The following CR1 variants were observed in gnomAD, a reference collection of about 807,000 sequenced individuals.
The protein encoded by CR1 is complement C3b/C4b receptor 1 (Knops blood group).
In CR1, 116 loss-of-function variants were observed where a neutral mutation model predicts 187.3. That is an observed-to-expected ratio of 0.62 (90% CI 0.53 to 0.72). The LOEUF (loss-of-function observed/expected upper bound fraction) is 0.72, where lower values mean the gene tolerates loss of function less well. Ranked by LOEUF, CR1 falls within the 30% of genes least tolerant of loss-of-function variation. CR1 has a pLI of 0.00. For synonymous variants in CR1, 576 were observed against 747.1 expected, an observed-to-expected ratio of 0.77 and a Z score of 3.73; for missense variants, 1,731 against 2,110.7, an observed-to-expected ratio of 0.82 and a Z score of 3.52.
At chr1:207,581,812 T>C in intron 31 of CR1, 106 bp from the exon 32 acceptor site, 1 of 752,838 alleles carries the variant, frequency 1.3e-6, no homozygotes, top group Non-Finnish European at 2.3e-6. Flanking sequence ...GCTTGAGCAG[T>C]AAAATGTTAA....
intron 46 of CR1, among the ~76,000 whole-genome samples, chr1:207,633,482 A>G (rs937867984): frequency 1.3e-5 from 2 of 152,176 alleles, no homozygotes; most frequent in Admixed American, 1.3e-4. Context: ...CATCATTATA[A>G]CAGTACATAA....
intron 4 of CR1, among the ~76,000 whole-genome samples, chr1:207,518,706 C>T (rs112003429): frequency 0.02 from 3,059 of 152,264 alleles, 93 homozygotes; most frequent in African/African-American, 0.069. Flanking sequence ...ATCTTCTCAT[C>T]GCCTTCTCCT....
rs1246967402 is a variant in CR1 at position 207,641,638 on chromosome 1, AT to A, written c.*2231del. On this transcript the variant is annotated 3_prime_UTR_variant, in exon 47 of 47. Transcript: ENST00000367049. The stretch of plus-strand genomic sequence containing the variant: ...CTATGAAGCTATTGCTAGTCCTAAC[AT>A]TCTTTGTTTTGTTTGCTTTTTTGGC... 3 of 152,220 alleles carry A rather than the reference AT, an allele frequency of 2.0e-5. No individual in the cohort carries two copies. The highest frequency in any genetic ancestry group is 4.4e-5 in the Non-Finnish European group (3 of 68,038). The allele number at this position is 152,220 out of a possible 1,614,324, so 9.4% of individuals were successfully genotyped here. A position where few individuals can be genotyped will look rare whatever the true frequency, so the allele number is the denominator to read the frequency against.
intron 46 of CR1, among the ~76,000 whole-genome samples, chr1:207,636,675 C>T (rs1026180438): frequency 1.3e-5 from 2 of 152,158 alleles, no homozygotes; most frequent in East Asian, 1.9e-4. Context: ...CCATAGCAGC[C>T]GTAGCTGTGA....
chr1:207,596,611 T>C (rs773411637), intron 35 of CR1, among the ~76,000 whole-genome samples: 7 of 151,446 alleles, frequency 4.6e-5, no homozygotes, highest in East Asian at 1.9e-4. Context: ...CGAAACTCTG[T>C]CTCAAAAAAT....
At chr1:207,525,661 A>G (rs1331762400) in intron 5 of CR1, among the ~76,000 whole-genome samples, 14 of 152,166 alleles carry the variant, frequency 9.2e-5, no homozygotes, top group African/African-American at 3.4e-4. Flanking sequence ...CCAGCTATCA[A>G]GGAAGATGAA....
chr1:207,577,525 T>A (rs74338130), intron 28 of CR1, among the ~76,000 whole-genome samples: 1,990 of 152,196 alleles, frequency 0.013, 47 homozygotes, highest in African/African-American at 0.044. Context: ...ATCCCAGCAC[T>A]TTGAAAGGCC....
chr1:207,525,619 T>C (rs1660142803), intron 5 of CR1, among the ~76,000 whole-genome samples: 1 of 152,002 alleles, frequency 6.6e-6, no homozygotes. Flanking sequence ...ATTTGGTATA[T>C]ATGCCTCCAA....
chr1:207,567,620 G>A lies in CR1; in HGVS notation c.3953-204G>A, dbSNP rs146488051. On this transcript the variant is annotated intron_variant, in intron 24 of 46. Transcript: ENST00000367049. The stretch of plus-strand genomic sequence containing the variant: ...TACTGTCCAGGAACTGTTACTATCC[G>A]GAAGATTCAGGATAGACAAATCTCT... 4.9e-3 allele frequency among the ~76,000 whole-genome samples: 740 copies of A among 150,092 alleles called. 1 individual carries two copies. Among genetic ancestry groups the A allele is most frequent in the African/African-American group, 0.017 (689 of 39,610 alleles).
intron 35 of CR1, among the ~76,000 whole-genome samples, chr1:207,606,946 T>A (rs1160182197): frequency 1.3e-5 from 2 of 152,132 alleles, no homozygotes; most frequent in African/African-American, 4.8e-5. Flanking sequence ...GAAGTACACA[T>A]GGATAAAATA....
At chr1:207,508,973 C>G (rs1004287373) in intron 3 of CR1, among the ~76,000 whole-genome samples, 3 of 152,218 alleles carry the variant, frequency 2.0e-5, no homozygotes, top group African/African-American at 4.8e-5. Context: ...TGGAGTTGGT[C>G]TCTTCCAGGT....
chr1:207,566,053 A>G, intron 24 of CR1, 130 bp downstream of exon 24: 1 of 1,286,756 alleles, frequency 7.8e-7, no homozygotes, highest in East Asian at 2.5e-5. Flanking sequence ...AGTTTATTTT[A>G]ATAATGTTTG....
Position 207,605,337 on chromosome 1 carries a change from C to CCACACACA in CR1, c.5811-1887_5811-1880dup, listed in dbSNP as rs61201153. ...GAAGAGTAGATTTTAAATATTCTCA[C>CCACACACA]CACACACACACACACACACACACAC... On this transcript the variant is annotated intron_variant, in intron 35 of 46. Coordinates refer to ENST00000367049, the MANE Select transcript of CR1 (RefSeq NM_000651.6). Among the ~76,000 whole-genome samples the CCACACACA allele has an allele frequency of 2.3e-3, 333 of 142,780 alleles. 2 individuals carry two copies. The highest frequency in any genetic ancestry group is 3.2e-3 in the Non-Finnish European group (209 of 64,462). 93.7% of individuals were successfully genotyped at this position (142,780 alleles called of 152,430 possible).
At chr1:207,574,352 C>T (rs1176236670) in intron 27 of CR1, among the ~76,000 whole-genome samples, 1 of 152,144 alleles carries the variant, frequency 6.6e-6, no homozygotes, top group Non-Finnish European at 1.5e-5. Context: ...TGATTCTATA[C>T]AACACTAAAT....
chr1:207,523,805 C>G lies in CR1; in HGVS notation c.682C>G (p.Pro228Ala). The change falls in exon 5 of 47, where the codon CCC (proline) becomes GCC (alanine). Residue 228 changes from proline to alanine, a missense_variant. Pro to Ala is a conservative substitution (Grantham distance 27, BLOSUM62 -1). Transcript: ENST00000367049. ...NDDQVGIWSGPAPQCIIPNKC... is the reference protein window; with the variant it reads ...NDDQVGIWSGAAPQCIIPNKC... Reference sequence around the variant, plus strand: ...CGATCAAGTGGGCATCTGGAGCGGCCCCGCCCCTCAGTGCATTATACCTAA... The same window carrying G: ...CGATCAAGTGGGCATCTGGAGCGGCGCCGCCCCTCAGTGCATTATACCTAA... 1 of 1,611,846 alleles carries G rather than the reference C, an allele frequency of 6.2e-7. No homozygotes were observed. Among genetic ancestry groups the G allele is most frequent in the Non-Finnish European group, 8.5e-7 (1 of 1,179,726 alleles).
At chr1:207,508,931 T>C (rs1323423580) in intron 3 of CR1, among the ~76,000 whole-genome samples, 1 of 152,234 alleles carries the variant, frequency 6.6e-6, no homozygotes, top group Non-Finnish European at 1.5e-5. Context: ...ATACCTTATG[T>C]CCTCCACTTT....
chr1:207,633,770 G>A (rs906681462), intron 46 of CR1, among the ~76,000 whole-genome samples: 4 of 152,204 alleles, frequency 2.6e-5, no homozygotes, highest in African/African-American at 7.2e-5. Flanking sequence ...TCCCTGTGAA[G>A]AGATCACCAA....
rs1392057982 is a variant in CR1, at chr1:207,639,723, A to T, written c.*314A>T. The T allele has an allele frequency of 8.3e-6, 2 of 241,092 alleles. No homozygotes were observed. The highest frequency in any genetic ancestry group is 1.6e-5 in the Non-Finnish European group (2 of 126,080). The allele number at this position is 241,092 out of a possible 1,614,324, so 14.9% of individuals were successfully genotyped here. A position where few individuals can be genotyped will look rare whatever the true frequency, so the allele number is the denominator to read the frequency against. On this transcript the variant is annotated 3_prime_UTR_variant, in exon 47 of 47. Coordinates refer to ENST00000367049, the MANE Select transcript of CR1 (RefSeq NM_000651.6). ...TTAAAGGAATAAGGTGTTGCCTGGA[A>T]TTTCTGGTTTGTAAGGTGGTCACTG...
intron 33 of CR1, among the ~76,000 whole-genome samples, chr1:207,586,116 G>C (rs1358214939): frequency 9.0e-6 from 1 of 110,886 alleles, no homozygotes; most frequent in Non-Finnish European, 1.8e-5. Context: ...TTCTTTTTTT[G>C]TTTTGTTTTG....
Sources: allele counts gnomAD v4.1 joint callset (sites outside exome capture counted in the v4.1 genomes callset), GRCh38; gene constraint gnomAD v4.1.1; transcripts MANE v1.5; gene names NCBI Gene and HGNC (gene_info 2026-07-23, HGNC 2026-07-21).